The following PDE1C variants were observed in gnomAD, a reference collection of about 807,000 sequenced individuals.
The protein encoded by PDE1C is dual specificity calcium/calmodulin-dependent 3',5'-cyclic nucleotide phosphodiesterase 1C.
In PDE1C, 62 loss-of-function variants were observed where a neutral mutation model predicts 93.1. That is an observed-to-expected ratio of 0.67 (90% CI 0.54 to 0.82). The LOEUF (loss-of-function observed/expected upper bound fraction) is 0.82, where lower values mean the gene tolerates loss of function less well. PDE1C is among the 40% of genes least tolerant of loss of function. PDE1C has a pLI of 0.00. For missense variants in PDE1C, 742 were observed against 884.6 expected, an observed-to-expected ratio of 0.84 and a Z score of 2.04; for synonymous variants, 325 against 310.1, an observed-to-expected ratio of 1.05 and a Z score of -0.50.
At chr7:31,716,949 T>G in the PDE1C span, among the ~76,000 whole-genome samples, 1 of 152,016 alleles carries the variant, frequency 6.6e-6, no homozygotes, top group Non-Finnish European at 1.5e-5. Flanking sequence ...AAAAATGAAT[T>G]TGTCGAGAGG....
chr7:31,687,372 C>T, the PDE1C span: 2 of 152,318 alleles, frequency 1.3e-5, no homozygotes, highest in Admixed American at 6.5e-5. Context: ...CAGTCAGTTA[C>T]TGGGACAAAG....
At chr7:32,098,598 C>CATTTAACT (rs1797892216) in intron 3 of PDE1C, among the ~76,000 whole-genome samples, 1 of 152,190 alleles carries the variant, frequency 6.6e-6, no homozygotes, top group African/African-American at 2.4e-5. Context: ...TGACAATCCA[C>CATTTAACT]ATTTAACTGA....
chr7:31,907,456 T>G (rs1319275755), intron 2 of PDE1C, among the ~76,000 whole-genome samples: 3 of 152,212 alleles, frequency 2.0e-5, no homozygotes, highest in African/African-American at 7.2e-5. Flanking sequence ...CAGAGTTATA[T>G]GAACTACTGT....
At chr7:32,395,256 A>G (rs1784820933) in intron 1 of PDE1C, among the ~76,000 whole-genome samples, 1 of 152,226 alleles carries the variant, frequency 6.6e-6, no homozygotes, top group South Asian at 2.1e-4. Context: ...TCACAATGTC[A>G]TAAGTGCAGC....
At chr7:31,902,172 G>A (rs891727591) in intron 2 of PDE1C, among the ~76,000 whole-genome samples, 63 of 151,360 alleles carry the variant, frequency 4.2e-4, no homozygotes, top group African/African-American at 1.3e-3. Flanking sequence ...ATTAGGACAT[G>A]AGAAAAAATC....
intron 1 of PDE1C, among the ~76,000 whole-genome samples, chr7:32,368,815 A>G (rs952332795): frequency 2.6e-5 from 4 of 152,200 alleles, no homozygotes; most frequent in African/African-American, 9.6e-5. Context: ...GACCAATGGA[A>G]CAGAATATAG....
chr7:31,923,094 G>A (rs777413802), intron 2 of PDE1C, among the ~76,000 whole-genome samples: 9 of 152,126 alleles, frequency 5.9e-5, no homozygotes, highest in Admixed American at 2.6e-4. Context: ...GGGGGACTCC[G>A]AGTGGCTGAT....
At chr7:32,195,573 T>C (rs1804551388) in intron 2 of PDE1C, among the ~76,000 whole-genome samples, 1 of 152,200 alleles carries the variant, frequency 6.6e-6, no homozygotes, top group South Asian at 2.1e-4. Flanking sequence ...ATTATGAGGC[T>C]GGGTTCAGTG....
intron 2 of PDE1C, among the ~76,000 whole-genome samples, chr7:32,182,649 T>G (rs1047587655): frequency 1.6e-4 from 24 of 152,146 alleles, no homozygotes; most frequent in African/African-American, 5.8e-4. Flanking sequence ...GGGACGTATC[T>G]CAAAATAATA....
intron 1 of PDE1C, among the ~76,000 whole-genome samples, chr7:32,340,032 A>ATTTTC (rs554219002): frequency 1.1e-4 from 17 of 152,300 alleles, no homozygotes; most frequent in Non-Finnish European, 2.2e-4. Flanking sequence ...CATAGAGGAA[A>ATTTTC]GAGAGAGGCA....
intron 2 of PDE1C, among the ~76,000 whole-genome samples, chr7:31,962,098 A>G (rs6952765): frequency 0.41 from 62,754 of 152,092 alleles, 13,539 homozygotes; most frequent in Non-Finnish European, 0.45. Context: ...GCTTCTAAAT[A>G]TTCAAGAAAC....
At chr7:32,332,087 G>C (rs780896053) in intron 1 of PDE1C, among the ~76,000 whole-genome samples, 1 of 152,010 alleles carries the variant, frequency 6.6e-6, no homozygotes, top group Non-Finnish European at 1.5e-5. Context: ...AAAGAGTGAA[G>C]ATGAAAAAGG....
intron 3 of PDE1C, among the ~76,000 whole-genome samples, chr7:32,148,004 A>AAAAAAAAAAAAAAAAAAAAAAC (rs1801010622): frequency 6.7e-6 from 1 of 149,834 alleles, no homozygotes; most frequent in Non-Finnish European, 1.5e-5. Flanking sequence ...AAAAAAAAAA[A>AAAAAAAAAAAAAAAAAAAAAAC]AGCCTAACCT....
At chr7:32,061,944 A>G (rs1794859841) in intron 1 of PDE1C, among the ~76,000 whole-genome samples, 1 of 152,202 alleles carries the variant, frequency 6.6e-6, no homozygotes, top group Non-Finnish European at 1.5e-5. Context: ...ATTTGGCATC[A>G]TTCAGATATA....
At chr7:32,313,608 A>C (rs1783103103) in intron 1 of PDE1C, among the ~76,000 whole-genome samples, 2 of 152,066 alleles carry the variant, frequency 1.3e-5, no homozygotes, top group African/African-American at 2.4e-5. Flanking sequence ...TTGTGGGGAC[A>C]CGGATGAAAC....
At chr7:32,111,195 A>G (rs958831350) in intron 3 of PDE1C, among the ~76,000 whole-genome samples, 1 of 152,170 alleles carries the variant, frequency 6.6e-6, no homozygotes, top group South Asian at 2.1e-4. Flanking sequence ...CAAAAATATA[A>G]GAAAATTAAA....
chr7:31,955,772 A>T (rs1199640318), intron 2 of PDE1C, among the ~76,000 whole-genome samples: 2 of 152,162 alleles, frequency 1.3e-5, no homozygotes, highest in Non-Finnish European at 2.9e-5. Flanking sequence ...TCACTGAAGG[A>T]ATATACTGAT....
intron 3 of PDE1C, among the ~76,000 whole-genome samples, chr7:32,142,334 G>C (rs1024910496): frequency 2.0e-5 from 3 of 152,170 alleles, no homozygotes; most frequent in Non-Finnish European, 2.9e-5. Context: ...GCAGAACATA[G>C]TGAGTGCAGT....
intron 2 of PDE1C, among the ~76,000 whole-genome samples, chr7:31,955,125 T>C (rs985447499): frequency 4.6e-5 from 7 of 152,228 alleles, no homozygotes; most frequent in African/African-American, 1.4e-4. Flanking sequence ...ACTACAGATA[T>C]TATTTTGCAT....
Sources: allele counts gnomAD v4.1 joint callset (sites outside exome capture counted in the v4.1 genomes callset), GRCh38; gene constraint gnomAD v4.1.1; transcripts MANE v1.5; gene names NCBI Gene and HGNC (gene_info 2026-07-23, HGNC 2026-07-21).